Variants in CNTN5 observed in about 807,000 individuals in gnomAD.
The protein encoded by CNTN5 is contactin 5, also known as contactin-5.
In CNTN5, 77 loss-of-function variants were observed where a neutral mutation model predicts 129.1. The ratio of observed to expected loss-of-function variants is 0.60; its 90% confidence interval spans 0.50 to 0.72. CNTN5 has a LOEUF of 0.72. Ranked by LOEUF, CNTN5 falls within the 30% of genes least tolerant of loss-of-function variation. The probability of loss-of-function intolerance (pLI) is 0.00; values close to 1 mark genes in which losing one functional copy is unlikely to be tolerated. For synonymous variants in CNTN5, 509 were observed against 465.6 expected, an observed-to-expected ratio of 1.09 and a Z score of -1.20; for missense variants, 1,478 against 1,328.8, an observed-to-expected ratio of 1.11 and a Z score of -1.75.
intron 1 of CNTN5, among the ~76,000 whole-genome samples, chr11:99,117,722 G>C (rs950154285): frequency 2.2e-4 from 34 of 152,138 alleles, no homozygotes; most frequent in African/African-American, 6.8e-4. Context: ...GATGGGAGTA[G>C]TGTCCTTCTA....
At chr11:99,936,506 G>T (rs1169453565) in intron 7 of CNTN5, among the ~76,000 whole-genome samples, 6 of 143,222 alleles carry the variant, frequency 4.2e-5, no homozygotes, top group African/African-American at 1.6e-4. Context: ...TCTTTTTTTT[G>T]AACAAGATGA....
chr11:99,077,176 G>T (rs1358861941), intron 1 of CNTN5, among the ~76,000 whole-genome samples: 1 of 144,118 alleles, frequency 6.9e-6, no homozygotes, highest in Admixed American at 7.0e-5. Flanking sequence ...AGGCATTTGG[G>T]ATATGTTGCA....
chr11:99,259,118 C>A (rs931176385), intron 1 of CNTN5, among the ~76,000 whole-genome samples: 3 of 151,692 alleles, frequency 2.0e-5, no homozygotes, highest in East Asian at 1.9e-4. Context: ...ATAATACATG[C>A]AAATAGTATT....
At chr11:99,053,676 C>G (rs1286551572) in intron 1 of CNTN5, among the ~76,000 whole-genome samples, 1 of 151,650 alleles carries the variant, frequency 6.6e-6, no homozygotes, top group Non-Finnish European at 1.5e-5. Context: ...TGAATGGTCA[C>G]AATAGAAGTA....
Position 99,206,172 on chromosome 11 carries a change from G to A in CNTN5, c.-209-119174G>A, listed in dbSNP as rs545309847. 2.0e-5 allele frequency among the ~76,000 whole-genome samples: 3 copies of A among 152,156 alleles called. No homozygotes were observed. In the East Asian group the frequency reaches 5.8e-4, roughly 29 times the overall value. On this transcript the variant is annotated intron_variant, in intron 1 of 24. Coordinates refer to ENST00000524871, the MANE Select transcript of CNTN5 (RefSeq NM_014361.4). ...ACTAATATGAATATACCTAATTTGG[G>A]TTTCCTTTGGGATTGTGCAGGTAGA...
At chr11:99,406,171 C>T (rs1942054835) in intron 2 of CNTN5, among the ~76,000 whole-genome samples, 1 of 151,660 alleles carries the variant, frequency 6.6e-6, no homozygotes, top group Non-Finnish European at 1.5e-5. Context: ...ACAATCTGGG[C>T]TTATTTGCAC....
chr11:99,973,954 C>G (rs547451397), intron 8 of CNTN5, among the ~76,000 whole-genome samples: 1 of 152,146 alleles, frequency 6.6e-6, no homozygotes, highest in Non-Finnish European at 1.5e-5. Flanking sequence ...AGTAGACATA[C>G]TGAGAGGTAA....
In CNTN5 at chr11:100,190,811, G is replaced by A. The variant is rs1381984710; in HGVS notation, c.1581-315G>A. Among the ~76,000 whole-genome samples the A allele has an allele frequency of 6.6e-5, 10 of 151,664 alleles. No homozygotes were observed. In the East Asian group the frequency reaches 1.4e-3, roughly 21 times the overall value. On this transcript the variant is annotated intron_variant, in intron 13 of 24. Transcript: ENST00000524871. ...AAGCTTAATATTAAAATATCACTGG[G>A]TGATATTGTAGTAACAAGTTCTAAT...
rs192395747 is a variant in CNTN5 at position 99,802,574 on chromosome 11, A to T, written c.56-16970A>T. Among the ~76,000 whole-genome samples the T allele has an allele frequency of 1.8e-4, 27 of 152,254 alleles. 1 individual carries two copies. Among genetic ancestry groups the T allele is most frequent in the African/African-American group, 5.1e-4 (21 of 41,550 alleles). On this transcript the variant is annotated intron_variant, in intron 3 of 24. Transcript: ENST00000524871. The stretch of plus-strand genomic sequence containing the variant: ...GGTTGGAGTCGGGGGTTGGAAGGAA[A>T]CCTAAACTCCTAATCTAGGAAAGTG...
chr11:99,536,032 G>T (rs2135481874), intron 2 of CNTN5, among the ~76,000 whole-genome samples: 1 of 152,268 alleles, frequency 6.6e-6, no homozygotes, highest in African/African-American at 2.4e-5. Context: ...TAGGTCAGAT[G>T]ATATGTGGTT....
At chr11:99,312,405 G>T (rs964148068) in intron 1 of CNTN5, among the ~76,000 whole-genome samples, 3 of 152,200 alleles carry the variant, frequency 2.0e-5, no homozygotes, top group African/African-American at 7.2e-5. Flanking sequence ...AAAAAATAAT[G>T]CTGACTTCTT....
chr11:100,175,015 T>C (rs1947920475), intron 13 of CNTN5, among the ~76,000 whole-genome samples: 1 of 152,140 alleles, frequency 6.6e-6, no homozygotes, highest in African/African-American at 2.4e-5. Flanking sequence ...AAAATTTTAC[T>C]GATCACGTTA....
At chr11:99,723,003 T>C (rs1943223297) in intron 3 of CNTN5, among the ~76,000 whole-genome samples, 2 of 152,102 alleles carry the variant, frequency 1.3e-5, no homozygotes, top group Admixed American at 1.3e-4. Flanking sequence ...AACACTATTT[T>C]TTTTTCAGCT....
At chr11:100,347,143 G>C (rs1012254907) in intron 23 of CNTN5, among the ~76,000 whole-genome samples, 24 of 152,008 alleles carry the variant, frequency 1.6e-4, no homozygotes, top group African/African-American at 5.8e-4. Context: ...TACAAACAGA[G>C]GTTCTCATTT....
At chr11:99,026,897 T>G (rs1277015888) in intron 1 of CNTN5, among the ~76,000 whole-genome samples, 1 of 151,584 alleles carries the variant, frequency 6.6e-6, no homozygotes, top group African/African-American at 2.4e-5. Flanking sequence ...AATATAAATA[T>G]ATGTAATTTC....
At chr11:99,695,657 G>A (rs1194121966) in intron 3 of CNTN5, among the ~76,000 whole-genome samples, 1 of 152,008 alleles carries the variant, frequency 6.6e-6, no homozygotes, top group African/African-American at 2.4e-5. Flanking sequence ...GGAGGCCTAG[G>A]TGAGAGGAGG....
In CNTN5 at chr11:100,208,933, G is replaced by A. The variant is rs560222769; in HGVS notation, c.1884+15270G>A. On this transcript the variant is annotated intron_variant, in intron 15 of 24. Transcript: ENST00000524871. ...GTTTGGTGAAGGGGGCAGCTAGGAT[G>A]GCTTGTCTCTACTCTAAGTGGTCTT... Among the ~76,000 whole-genome samples the A allele has an allele frequency of 3.3e-5, 5 of 152,248 alleles. No individual in the cohort carries two copies. In the East Asian group the frequency reaches 9.7e-4, roughly 29 times the overall value.
chr11:99,386,802 G>A (rs1167422450), intron 2 of CNTN5, among the ~76,000 whole-genome samples: 2 of 152,108 alleles, frequency 1.3e-5, no homozygotes. Context: ...TCAGCACTTA[G>A]GAGCCAGATA....
intron 3 of CNTN5, among the ~76,000 whole-genome samples, chr11:99,801,816 C>T (rs1007165940): frequency 5.3e-5 from 8 of 152,138 alleles, no homozygotes; most frequent in African/African-American, 1.7e-4. Flanking sequence ...TCCTTCTATT[C>T]CTGTATTGCT....
Sources: allele counts gnomAD v4.1 joint callset (sites outside exome capture counted in the v4.1 genomes callset), GRCh38; gene constraint gnomAD v4.1.1; transcripts MANE v1.5; gene names NCBI Gene and HGNC (gene_info 2026-07-23, HGNC 2026-07-21).